TTN: variants seen among roughly 807,000 people sequenced by gnomAD.
TTN encodes titin.
Under a neutral mutation model 3,223.0 loss-of-function variants are expected in TTN, and 1,525 were observed. The ratio of observed to expected loss-of-function variants is 0.47; its 90% CI spans 0.45 to 0.49. The LOEUF (loss-of-function observed/expected upper bound fraction) is 0.49. TTN is among the 20% of genes least tolerant of loss of function. The probability of loss-of-function intolerance (pLI) is 0.00; values close to 1 mark genes in which losing one functional copy is unlikely to be tolerated. For synonymous variants in TTN, 14,094 were observed against 15,161.0 expected (o/e 0.93, Z 5.17); for missense variants, 40,786 against 43,424.0 (o/e 0.94, Z 5.40).
In TTN at chr2:178,535,235, C is replaced by T. The variant is rs1484936368; in HGVS notation, c.101380G>A (p.Glu33794Lys). The T allele has an allele frequency of 5.6e-6, 9 of 1,613,806 alleles. No individual in the cohort carries two copies. The highest frequency in any genetic ancestry group is 5.9e-6 in the Non-Finnish European group (7 of 1,179,858). ...ACTTCCCTGGTTTCATCTACCTCTT[C>T]ATCATAGTTCATAGCTCTGGTCTTA... is the stretch of plus-strand genomic sequence containing the variant. ...EDKTRAMNYD[E>K]EVDETREVSM... Residue 33794 changes from glutamate (E) to lysine (K), a missense_variant, in exon 358 of 363, where the codon GAA becomes AAA. Transcript: ENST00000589042.
In TTN at chr2:178,566,189, A is replaced by T. The variant is rs1302262085; in HGVS notation, c.79943T>A (p.Leu26648Gln). The change falls in exon 326 of 363, where the codon CTA becomes CAA. Residue 26648 changes from leucine (L) to glutamine (Q), a missense_variant. Transcript: ENST00000589042. ...QIEKGVNYTQ[L>Q]SIDNCDRNDA... The stretch of plus-strand genomic sequence containing the variant: ...ATTTCTATCACAGTTATCTATTGAT[A>T]GTTGGGTATAGTTTACTCCCTTTTC... 6.2e-7 allele frequency: 1 copy of T among 1,613,710 alleles called. No individual in the cohort carries two copies. The highest frequency in any genetic ancestry group is 8.5e-7 in the Non-Finnish European group (1 of 1,179,706).
At chr2:178,710,254 T>G (rs2076460837) in intron 98 of TTN, among the ~76,000 whole-genome samples, 1 of 152,172 alleles carries the variant, frequency 6.6e-6, no homozygotes, top group Non-Finnish European at 1.5e-5. Flanking sequence ...CAGACCAACC[T>G]GGCCAACATG....
At chr2:178,786,546 T>A (rs1050366395) in intron 13 of TTN, among the ~76,000 whole-genome samples, 1 of 152,192 alleles carries the variant, frequency 6.6e-6, no homozygotes, top group Non-Finnish European at 1.5e-5. Context: ...AGTCTGGTAT[T>A]AATGCAGTGA....
chr2:178,788,644 C>A (rs1436955106), intron 13 of TTN, among the ~76,000 whole-genome samples: 1 of 151,962 alleles, frequency 6.6e-6, no homozygotes, highest in Non-Finnish European at 1.5e-5. Flanking sequence ...ATAAAGAATA[C>A]AATTAGGTAA....
In TTN at chr2:178,576,421, G is replaced by A. The variant is rs72646886; in HGVS notation, c.69716-5C>T. On this transcript the variant is annotated splice_region_variant and splice_polypyrimidine_tract_variant and intron_variant, in intron 325 of 362. Transcript: ENST00000589042. This position sits in a 1 kb window ranked among gnomAD's most constrained non-coding sequence, Gnocchi z 4.3. ...TTGAAGGTGGTCCTGGAGGATCTGA[G>A]AAAGAAACAAAGACACAAAAGTATA... 1 of 1,576,108 alleles carries A rather than the reference G, an allele frequency of 6.3e-7. No individual in the cohort carries two copies. The highest frequency in any genetic ancestry group is 8.6e-7 in the Non-Finnish European group (1 of 1,168,532).
Position 178,584,519 on chromosome 2 carries a change from C to T in TTN, c.65032G>A (p.Val21678Ile), listed in dbSNP as rs570562262. 8.7e-6 allele frequency: 14 copies of T among 1,613,028 alleles called. No individual in the cohort carries two copies. In the South Asian group the frequency reaches 1.4e-4, roughly 16 times the overall value. The change falls in exon 311 of 363, where the codon GTT (valine) becomes ATT (isoleucine). Residue 21678 changes from valine (V) to isoleucine (I), a missense_variant. Physicochemically the swap from Val to Ile is conservative, Grantham distance 29. Coordinates refer to ENST00000589042, the MANE Select transcript of TTN (RefSeq NM_001267550.2). ...VTKVNKDCIF[V>I]AWDRPDSDGG... ...TCACTATCTGGTCTGTCCCAAGCAA[C>T]AAAAATACAGTCCTTGTTGACTTTG...
At position 178,723,543 on chromosome 2, in the gene TTN, T is replaced by C. The variant is rs560240166; in HGVS notation, c.21557A>G (p.Tyr7186Cys). Residue 7186 changes from tyrosine (Y) to cysteine (C), a missense_variant, in exon 74 of 363, where the codon TAT becomes TGT. Physicochemically the swap from Tyr to Cys is radical, Grantham distance 194 (BLOSUM62 -2). Transcript: ENST00000589042. ...ELVKGDRCNIYFEDTVAELEL... is the reference protein window; with the variant it reads ...ELVKGDRCNICFEDTVAELEL... The stretch of plus-strand genomic sequence containing the variant: ...CAGTTCTGCCACAGTGTCTTCAAAA[T>C]AGATGTTGCACCGGTCTCCTTTCAC... 1.2e-5 allele frequency: 20 copies of C among 1,613,468 alleles called. No individual in the cohort carries two copies. The highest frequency in any genetic ancestry group is 3.3e-5 in the Admixed American group (2 of 59,972).
intron 47 of TTN, chr2:178,744,474 G>T (rs532261485): frequency 1.1e-5 from 9 of 855,824 alleles, no homozygotes; most frequent in African/African-American, 1.8e-5. Flanking sequence ...AGATATTAAG[G>T]AGTATGTTAA....
intron 292 of TTN, 101 bp downstream of exon 292, chr2:178,598,405 C>G (rs761014115): frequency 1.2e-5 from 17 of 1,404,536 alleles, no homozygotes; most frequent in Non-Finnish European, 1.6e-5. Flanking sequence ...TTCCTGATTT[C>G]TTAATCCAAA....
At chr2:178,736,678 C>T (rs1340398943) in intron 49 of TTN, among the ~76,000 whole-genome samples, 1 of 152,108 alleles carries the variant, frequency 6.6e-6, no homozygotes, top group Non-Finnish European at 1.5e-5. Context: ...TTAAGTCATC[C>T]TCCTTATCCT....
chr2:178,774,179 G>A, intron 30 of TTN, 28 bp downstream of exon 30: 2 of 1,614,118 alleles, frequency 1.2e-6, no homozygotes, highest in South Asian at 2.2e-5. Context: ...GATGCTCACT[G>A]CAGGCTGACA....
At chr2:178,704,833 C>A in intron 104 of TTN, 44 bp downstream of exon 104, 1 of 1,609,390 alleles carries the variant, frequency 6.2e-7, no homozygotes, top group Non-Finnish European at 8.5e-7. Flanking sequence ...TAATAATACT[C>A]AATAATAACT....
chr2:178,574,099 T>A lies in TTN; in HGVS notation c.72033A>T (p.Pro24011=), dbSNP rs72646894. 2 of 1,613,496 alleles carry A rather than the reference T, an allele frequency of 1.2e-6. No homozygotes were observed. Among genetic ancestry groups the A allele is most frequent in the African/African-American group, 2.7e-5 (2 of 74,906 alleles). ...AKNAAGAISP[P]SEPSDAITCR... is the part of the protein sequence containing the mutation. The stretch of plus-strand genomic sequence containing the variant: ...AAGTGATAGCATCAGATGGCTCAGA[T>A]GGTGGACTGATGGCACCTGCAGCAT... The change falls in exon 326 of 363, where the codon CCA becomes CCT. Residue 24011 remains proline (P), a synonymous_variant. Transcript: ENST00000589042.
In TTN at chr2:178,624,748, C is replaced by A. The variant is rs747338318; in HGVS notation, c.44549-17G>T. 6.2e-6 allele frequency: 10 copies of A among 1,610,010 alleles called. No homozygotes were observed. The highest frequency in any genetic ancestry group is 8.5e-6 in the Non-Finnish European group (10 of 1,178,410). ...CTGGGGGTTCTGAAAGAATCATACT[C>A]ATTAGCCAAGGTACTCCTTTCCTTC... On this transcript the variant is annotated splice_polypyrimidine_tract_variant and intron_variant, in intron 241 of 362. Coordinates refer to ENST00000589042, the MANE Select transcript of TTN (RefSeq NM_001267550.2).
At position 178,729,493 on chromosome 2, in the gene TTN, T is replaced by C; in HGVS notation, c.18663A>G (p.Glu6221=). 1 of 1,613,638 alleles carries C rather than the reference T, an allele frequency of 6.2e-7. No homozygotes were observed. The highest frequency in any genetic ancestry group is 8.5e-7 in the Non-Finnish European group (1 of 1,179,646). ...CTTCAAACGGAGGTGTTCCCGTAACTTCACACTCCAGCTCCACGTCACTAT... is the reference window on the plus strand; with the variant it reads ...CTTCAAACGGAGGTGTTCCCGTAACCTCACACTCCAGCTCCACGTCACTAT... ...VKYSDVELEC[E]VTGTPPFEVT... is the part of the protein sequence containing the mutation. Residue 6221 remains glutamate, a synonymous_variant, in exon 64 of 363, where the codon GAA becomes GAG. Coordinates refer to ENST00000589042, the MANE Select transcript of TTN (RefSeq NM_001267550.2).
In TTN at chr2:178,630,382, C is replaced by T; in HGVS notation, c.44155-15G>A. On this transcript the variant is annotated splice_polypyrimidine_tract_variant and intron_variant, in intron 238 of 362. Transcript: ENST00000589042. ...ATTTCACAATCCTGTACCAACAAAACAGAAAAACTTTCATAGAAAATAATT... is the reference window on the plus strand; with the variant it reads ...ATTTCACAATCCTGTACCAACAAAATAGAAAAACTTTCATAGAAAATAATT... The T allele has an allele frequency of 6.3e-7, 1 of 1,585,436 alleles. No individual in the cohort carries two copies. The highest frequency in any genetic ancestry group is 8.5e-7 in the Non-Finnish European group (1 of 1,171,972).
intron 224 of TTN, among the ~76,000 whole-genome samples, chr2:178,637,146 G>GACATATAT (rs563909076): frequency 1.0e-4 from 5 of 49,192 alleles, no homozygotes; most frequent in Admixed American, 2.7e-4. Context: ...AATATAGTTG[G>GACATATAT]ATATATATAT....
rs1326890729 is a variant in TTN, at chr2:178,734,604, G to A, written c.15220C>T (p.Pro5074Ser). The A allele has an allele frequency of 1.3e-6, 2 of 1,563,944 alleles. No individual in the cohort carries two copies. Among genetic ancestry groups the A allele is most frequent in the Middle Eastern group, 1.7e-4 (1 of 5,822 alleles). Residue 5074 changes from proline (P) to serine (S), a missense_variant and splice_region_variant, in exon 52 of 363, where the codon CCT (proline) becomes TCT (serine). Coordinates refer to ENST00000589042, the MANE Select transcript of TTN (RefSeq NM_001267550.2). ...SCSTEIVIKE[P>S]PSFIKTLEPA... The stretch of plus-strand genomic sequence containing the variant: ...TCAAGAGTTTTGATGAAAGAAGGAG[G>A]TTCTACAAAAGCATGAAAGCATTGT...
chr2:178,667,335 T>A lies in TTN; in HGVS notation c.35714-16A>T. The stretch of plus-strand genomic sequence containing the variant: ...GTATCAGGTTCTTTAAAGATATTAG[T>A]AGGTTTACATTTAAAAGTTGTAAAA... On this transcript the variant is annotated splice_polypyrimidine_tract_variant and intron_variant, in intron 161 of 362. Coordinates refer to ENST00000589042, the MANE Select transcript of TTN (RefSeq NM_001267550.2). 6.3e-7 allele frequency: 1 copy of A among 1,587,884 alleles called. No individual in the cohort carries two copies. The highest frequency in any genetic ancestry group is 8.6e-7 in the Non-Finnish European group (1 of 1,166,060).
Sources: gnomAD v4.1 joint callset for allele counts (sites outside exome capture counted in the v4.1 genomes callset) on GRCh38, gnomAD v4.1.1 for gene constraint, Gnocchi (gnomAD v3.1) non-coding constraint, MANE v1.5 for transcripts, NCBI Gene and HGNC (gene_info 2026-07-23, HGNC 2026-07-21) for gene names.